Variants in TBC1D32 observed in about 807,000 individuals in gnomAD.
The protein encoded by TBC1D32 is TBC1 domain family member 32.
A neutral mutation model predicts 170.3 loss-of-function variants in TBC1D32; 151 were observed. The observed-to-expected ratio is 0.89, with a 90% CI of 0.78 to 1.01. The LOEUF (loss-of-function observed/expected upper bound fraction) is 1.01, where lower values mean the gene tolerates loss of function less well. Among genes scored for constraint, TBC1D32 ranks in the 50% least tolerant of loss-of-function variants. The probability of loss-of-function intolerance (pLI) is 0.00; values close to 1 mark genes in which losing one functional copy is unlikely to be tolerated. For missense variants in TBC1D32, 1,464 were observed against 1,457.1 expected (o/e 1.00, Z -0.08); for synonymous variants, 498 against 488.0 (o/e 1.02, Z -0.27).
chr6:121,208,681 A>G lies in TBC1D32; in HGVS notation c.2482-3518T>C, dbSNP rs527238100. ...GAGAAGAAAAAATAGACATGTAAAG[A>G]TAGAGGCACAAACTGGATTTATGTA... On this transcript the variant is annotated intron_variant, in intron 21 of 31. Coordinates refer to ENST00000398212, the MANE Select transcript of TBC1D32 (RefSeq NM_152730.6). Among the ~76,000 whole-genome samples, 15 of 148,828 alleles carry G rather than the reference A, an allele frequency of 1.0e-4. No individual in the cohort carries two copies. In the South Asian group the frequency reaches 3.1e-3, roughly 30 times the overall value.
chr6:121,133,909 C>A (rs1484782816), intron 24 of TBC1D32, among the ~76,000 whole-genome samples: 1 of 147,736 alleles, frequency 6.8e-6, no homozygotes, highest in Non-Finnish European at 1.5e-5. Flanking sequence ...GAAAATGATT[C>A]TTTTTAATAA....
intron 21 of TBC1D32, among the ~76,000 whole-genome samples, chr6:121,222,442 A>G (rs1047040765): frequency 2.0e-5 from 3 of 152,214 alleles, no homozygotes; most frequent in Admixed American, 2.0e-4. Flanking sequence ...TTAATGTTAA[A>G]TGATAGAAGT....
chr6:121,208,925 A>G (rs1451920856), intron 21 of TBC1D32, among the ~76,000 whole-genome samples: 1 of 152,026 alleles, frequency 6.6e-6, no homozygotes, highest in Non-Finnish European at 1.5e-5. Flanking sequence ...AAATTAATAA[A>G]AGGGGAGAGG....
At chr6:121,224,146 C>T (rs551261006) in intron 20 of TBC1D32, among the ~76,000 whole-genome samples, 1 of 152,256 alleles carries the variant, frequency 6.6e-6, no homozygotes, top group Admixed American at 6.5e-5. Context: ...TCAATCAAAT[C>T]TGCCTGTGGT....
At chr6:121,104,008 T>A (rs1290823988) in intron 30 of TBC1D32, among the ~76,000 whole-genome samples, 1 of 151,886 alleles carries the variant, frequency 6.6e-6, no homozygotes, top group African/African-American at 2.4e-5. Context: ...GGAAGAGTAT[T>A]CCTTTACACT....
At chr6:121,235,698 A>T (rs1442851465) in intron 20 of TBC1D32, among the ~76,000 whole-genome samples, 2 of 152,212 alleles carry the variant, frequency 1.3e-5, no homozygotes, top group African/African-American at 2.4e-5. Context: ...GAAAGCAAGC[A>T]GACTCAGTTT....
chr6:121,156,202 G>T (rs532579594), intron 24 of TBC1D32, among the ~76,000 whole-genome samples: 1 of 151,458 alleles, frequency 6.6e-6, no homozygotes, highest in South Asian at 2.1e-4. Context: ...TTTGTTATTG[G>T]TATGTTCAGA....
chr6:121,269,339 C>T (rs1801015686), intron 15 of TBC1D32, among the ~76,000 whole-genome samples: 1 of 152,092 alleles, frequency 6.6e-6, no homozygotes, highest in South Asian at 2.1e-4. Flanking sequence ...AGAGTCAAGA[C>T]CCATCAGTGT....
intron 24 of TBC1D32, among the ~76,000 whole-genome samples, chr6:121,146,551 A>C (rs912825908): frequency 6.6e-6 from 1 of 152,198 alleles, no homozygotes; most frequent in Non-Finnish European, 1.5e-5. Context: ...GTTTGAGAAG[A>C]GAGAAATTTT....
intron 22 of TBC1D32, among the ~76,000 whole-genome samples, chr6:121,183,565 TC>T (rs1356060021): frequency 6.6e-6 from 1 of 152,070 alleles, no homozygotes; most frequent in African/African-American, 2.4e-5. Flanking sequence ...GAAGGCCAAG[TC>T]CTTATTTCTA....
At position 121,276,646 on chromosome 6, in the gene TBC1D32, AT is replaced by A. The variant is rs58055400; in HGVS notation, c.1733+2474del. Among the ~76,000 whole-genome samples, 1,349 of 152,302 alleles carry A rather than the reference AT, an allele frequency of 8.9e-3. 22 individuals are homozygous for A. Among genetic ancestry groups the A allele is most frequent in the African/African-American group, 0.031 (1,275 of 41,574 alleles). On this transcript the variant is annotated intron_variant, in intron 15 of 31. Transcript: ENST00000398212. ...GTCAAGACCCAACTACATGTTGTCT[AT>A]AAAAATCCCACTTTACACTTTAAAC...
intron 12 of TBC1D32, among the ~76,000 whole-genome samples, chr6:121,286,548 G>A (rs924434815): frequency 2.0e-5 from 3 of 152,040 alleles, no homozygotes; most frequent in Non-Finnish European, 2.9e-5. Flanking sequence ...AAAGTGATGG[G>A]GAGAATGGAA....
intron 26 of TBC1D32, among the ~76,000 whole-genome samples, chr6:121,122,556 T>TAA (rs57728251): frequency 8.7e-5 from 13 of 148,712 alleles, no homozygotes; most frequent in East Asian, 2.0e-4. Context: ...TGAAGTGTGG[T>TAA]AAAAAAAAAA....
Position 121,117,720 on chromosome 6 carries a change from A to G in TBC1D32, c.2984-2479T>C, listed in dbSNP as rs538411306. Among the ~76,000 whole-genome samples, 3 of 152,196 alleles carry G rather than the reference A, an allele frequency of 2.0e-5. No individual in the cohort carries two copies. The South Asian group carries it at 6.2e-4, about 32-fold the overall frequency. On this transcript the variant is annotated intron_variant, in intron 26 of 31. Transcript: ENST00000398212. ...CCATCTCAAAAAAACAAAAACAAAAAAAAGAGGTTTCCATTTTAAATTTGT... is the reference window on the plus strand; with the variant it reads ...CCATCTCAAAAAAACAAAAACAAAAGAAAGAGGTTTCCATTTTAAATTTGT...
intron 4 of TBC1D32, among the ~76,000 whole-genome samples, chr6:121,310,156 A>C (rs148909902): frequency 6.6e-6 from 1 of 152,250 alleles, no homozygotes; most frequent in African/African-American, 2.4e-5. Flanking sequence ...TAGGAGAAGT[A>C]AATTCAAGAG....
chr6:121,105,300 G>T (rs938743771), intron 30 of TBC1D32, among the ~76,000 whole-genome samples: 1 of 151,834 alleles, frequency 6.6e-6, no homozygotes, highest in Non-Finnish European at 1.5e-5. Context: ...CTTCATTTCC[G>T]TTAGGAGAAT....
chr6:121,318,757 T>C (rs968034845), intron 2 of TBC1D32, among the ~76,000 whole-genome samples: 10 of 150,034 alleles, frequency 6.7e-5, no homozygotes, highest in Non-Finnish European at 1.0e-4. Flanking sequence ...ATATCCAAAA[T>C]GATAATAAAT....
intron 20 of TBC1D32, among the ~76,000 whole-genome samples, chr6:121,231,992 C>T (rs191795993): frequency 6.6e-6 from 1 of 152,106 alleles, no homozygotes; most frequent in East Asian, 1.9e-4. Flanking sequence ...AAGTCTTTAC[C>T]TAAGCTAATG....
chr6:121,248,593 T>TA (rs1316214657), intron 17 of TBC1D32, among the ~76,000 whole-genome samples: 1 of 151,680 alleles, frequency 6.6e-6, no homozygotes, highest in Non-Finnish European at 1.5e-5. Context: ...CAGATCCAAA[T>TA]AAGCTCAATT....
Sources: gnomAD v4.1 joint callset for allele counts (sites outside exome capture counted in the v4.1 genomes callset) on GRCh38, gnomAD v4.1.1 for gene constraint, MANE v1.5 for transcripts, NCBI Gene and HGNC (gene_info 2026-07-23, HGNC 2026-07-21) for gene names.